Variants in ZBBX observed in about 807,000 individuals in gnomAD.
ZBBX encodes the protein zinc finger B-box domain-containing protein 1.
A neutral mutation model predicts 108.5 loss-of-function variants in ZBBX; 101 were observed. The ratio of observed to expected loss-of-function variants is 0.93; its 90% CI spans 0.79 to 1.10. ZBBX has a LOEUF of 1.10. Among genes scored for constraint, ZBBX ranks in the 50% least tolerant of loss-of-function variants. The probability of loss-of-function intolerance (pLI) is 0.00; values close to 1 mark genes in which losing one functional copy is unlikely to be tolerated. For synonymous variants in ZBBX, 356 were observed against 323.4 expected (o/e 1.10, Z -1.08); for missense variants, 1,009 against 941.4 (o/e 1.07, Z -0.94).
intron 20 of ZBBX, among the ~76,000 whole-genome samples, chr3:167,265,041 G>A (rs1260045683): frequency 6.6e-6 from 1 of 152,214 alleles, no homozygotes; most frequent in Non-Finnish European, 1.5e-5. Context: ...TGGACTTCAG[G>A]TCCCCACGAA....
At chr3:167,212,413 G>A in the ZBBX span, among the ~76,000 whole-genome samples, 1 of 152,144 alleles carries the variant, frequency 6.6e-6, no homozygotes, top group East Asian at 1.9e-4. Context: ...CTCTGCCACT[G>A]CCTCTGCAGT....
rs116781355 is a variant in ZBBX, at chr3:167,284,385, G to A, written c.1997-1890C>T. ...AAGTCAGAGAGTGTAACAATAATTC[G>A]CAATATAAATCAAAAGTTCTACTCT... On this transcript the variant is annotated intron_variant, in intron 19 of 21. Transcript: ENST00000675490. Among the ~76,000 whole-genome samples, 341 of 151,852 alleles carry A rather than the reference G, an allele frequency of 2.2e-3. 2 individuals carry two copies. Among genetic ancestry groups the A allele is most frequent in the Middle Eastern group, 0.01 (3 of 294 alleles).
chr3:167,274,365 T>C (rs768512463), intron 20 of ZBBX, among the ~76,000 whole-genome samples: 22 of 152,176 alleles, frequency 1.4e-4, no homozygotes, highest in Admixed American at 2.6e-4. Flanking sequence ...CAAAAGCTTA[T>C]AAAGACAACA....
At position 167,289,759 on chromosome 3, in the gene ZBBX, G is replaced by A. The variant is rs1275633502; in HGVS notation, c.1880-776C>T. Among the ~76,000 whole-genome samples the A allele has an allele frequency of 6.6e-5, 10 of 152,218 alleles. No individual in the cohort carries two copies. In the East Asian group the frequency reaches 1.9e-3, roughly 29 times the overall value. On this transcript the variant is annotated intron_variant, in intron 18 of 21. Transcript: ENST00000675490. ...AACATGAGTGAGACAGAAGCCAGGG[G>A]GGTGAAGCCAGGGAGCCAAGTGGTC... is the stretch of plus-strand genomic sequence containing the variant.
the ZBBX span, among the ~76,000 whole-genome samples, chr3:167,214,203 A>G: frequency 6.6e-6 from 1 of 152,176 alleles, no homozygotes; most frequent in Non-Finnish European, 1.5e-5. Flanking sequence ...TGCCCCACTT[A>G]AAAGACACAG....
At chr3:167,337,849 T>C (rs1739835723) in intron 9 of ZBBX, among the ~76,000 whole-genome samples, 2 of 152,116 alleles carry the variant, frequency 1.3e-5, no homozygotes, top group South Asian at 4.1e-4. Context: ...ACTATACATA[T>C]TAAGTATCAT....
chr3:167,303,981 C>T (rs531556286), intron 17 of ZBBX, among the ~76,000 whole-genome samples: 1 of 152,246 alleles, frequency 6.6e-6, no homozygotes, highest in African/African-American at 2.4e-5. Context: ...TAATATTTCT[C>T]TCCTTATTTG....
At chr3:167,193,923 G>T in the ZBBX span, among the ~76,000 whole-genome samples, 1 of 152,058 alleles carries the variant, frequency 6.6e-6, no homozygotes, top group Non-Finnish European at 1.5e-5. Context: ...GAGCTAAAAT[G>T]GTTGGTCTCA....
chr3:167,255,569 T>C (rs1385005511), intron 20 of ZBBX, among the ~76,000 whole-genome samples: 4 of 152,220 alleles, frequency 2.6e-5, no homozygotes, highest in East Asian at 1.9e-4. Flanking sequence ...TCTTTTATTA[T>C]AGGGAATTAT....
the ZBBX span, among the ~76,000 whole-genome samples, chr3:167,222,919 T>G: frequency 3.1e-4 from 47 of 151,936 alleles, no homozygotes; most frequent in African/African-American, 1.0e-3. Context: ...GTCGTATATT[T>G]CAAAATAGCT....
chr3:167,236,018 T>C (rs1017143709), downstream of ZBBX, among the ~76,000 whole-genome samples: 4 of 151,728 alleles, frequency 2.6e-5, no homozygotes, highest in Non-Finnish European at 5.9e-5. Context: ...GAATATCCTA[T>C]AATAACGTAT....
intron 20 of ZBBX, among the ~76,000 whole-genome samples, chr3:167,250,703 A>T (rs143420113): frequency 0.014 from 2,123 of 152,200 alleles, 27 homozygotes; most frequent in South Asian, 0.026. Flanking sequence ...GACAGGTCAC[A>T]GTCCATATTC....
chr3:167,306,027 T>C (rs1054139940), intron 16 of ZBBX, 77 bp from the exon 17 acceptor site: 1 of 1,238,444 alleles, frequency 8.1e-7, no homozygotes, highest in African/African-American at 1.5e-5. Context: ...AACCAAAAGT[T>C]CTGTGGTAAA....
At chr3:167,220,881 A>C in the ZBBX span, among the ~76,000 whole-genome samples, 1 of 151,984 alleles carries the variant, frequency 6.6e-6, no homozygotes, top group Non-Finnish European at 1.5e-5. Context: ...TAGAATACAA[A>C]GTCAACATAC....
chr3:167,302,620 C>T (rs960388290), intron 17 of ZBBX, among the ~76,000 whole-genome samples: 4 of 152,068 alleles, frequency 2.6e-5, no homozygotes. Context: ...TACTTGCTGT[C>T]AAGAATTGTG....
chr3:167,393,072 G>A (rs527267068), intron 1 of ZBBX, among the ~76,000 whole-genome samples: 2 of 151,810 alleles, frequency 1.3e-5, no homozygotes, highest in South Asian at 4.1e-4. Flanking sequence ...CTAGAAGAAT[G>A]TTAGCTAGCC....
intron 17 of ZBBX, among the ~76,000 whole-genome samples, chr3:167,302,816 G>A (rs1732957549): frequency 2.6e-5 from 4 of 152,260 alleles, no homozygotes; most frequent in South Asian, 4.1e-4. Flanking sequence ...AGAGAGCCAC[G>A]TGACATCTGC....
At chr3:167,365,625 T>G (rs1745198287) in intron 6 of ZBBX, among the ~76,000 whole-genome samples, 1 of 151,768 alleles carries the variant, frequency 6.6e-6, no homozygotes, top group African/African-American at 2.4e-5. Context: ...AGATCCACAC[T>G]GAATGGAAAA....
intron 1 of ZBBX, among the ~76,000 whole-genome samples, chr3:167,388,641 T>G (rs926228697): frequency 1.3e-5 from 2 of 152,008 alleles, no homozygotes; most frequent in African/African-American, 4.8e-5. Flanking sequence ...TCACTTAGCA[T>G]GTAAGTGAAC....
Sources: gnomAD v4.1 joint callset for allele counts (sites outside exome capture counted in the v4.1 genomes callset) on GRCh38, gnomAD v4.1.1 for gene constraint, MANE v1.5 for transcripts, NCBI Gene and HGNC (gene_info 2026-07-23, HGNC 2026-07-21) for gene names.